Variants in SCCPDH observed in about 807,000 individuals in gnomAD.
SCCPDH encodes saccharopine dehydrogenase (putative), also known as saccharopine dehydrogenase-like oxidoreductase.
A neutral mutation model predicts 51.5 loss-of-function variants in SCCPDH; 34 were observed. The ratio of observed to expected loss-of-function variants is 0.66; its 90% CI spans 0.50 to 0.88. SCCPDH has a LOEUF of 0.88. SCCPDH is among the 40% of genes least tolerant of loss of function. SCCPDH has a pLI of 0.00. For synonymous variants in SCCPDH, 187 were observed against 191.3 expected (o/e 0.98, Z 0.19); for missense variants, 464 against 527.1 (o/e 0.88, Z 1.17).
chr1:246,756,470 T>A (rs1199388388), intron 5 of SCCPDH, among the ~76,000 whole-genome samples: 2 of 152,236 alleles, frequency 1.3e-5, no homozygotes, highest in African/African-American at 4.8e-5. Context: ...ATTAGGTACG[T>A]CTCTATATTT....
intron 5 of SCCPDH, among the ~76,000 whole-genome samples, chr1:246,749,001 GC>G (rs1558171423): frequency 6.6e-6 from 1 of 152,254 alleles, no homozygotes; most frequent in Non-Finnish European, 1.5e-5. Context: ...TTTTCCGTCT[GC>G]CGTGAAAGGC....
intron 9 of SCCPDH, among the ~76,000 whole-genome samples, chr1:246,762,088 A>G (rs1187806681): frequency 6.6e-6 from 1 of 152,090 alleles, no homozygotes; most frequent in Non-Finnish European, 1.5e-5. Context: ...GTGGTGTCTC[A>G]TTGTATTTTT....
chr1:246,749,222 C>G (rs930780734), intron 5 of SCCPDH, among the ~76,000 whole-genome samples: 1 of 152,236 alleles, frequency 6.6e-6, no homozygotes, highest in South Asian at 2.1e-4. Context: ...TCTGGCCTGC[C>G]TGTTGCACAA....
In SCCPDH at chr1:246,767,221, CT is replaced by C; in HGVS notation, c.1216del (p.Ser406ProfsTer5). Reference sequence around the variant, plus strand: ...GGCGGGGTCTTCACACCTGGAGCAGCTTTTTCCAAAACAAAGTTGATTGACA... The same window carrying C: ...GGCGGGGTCTTCACACCTGGAGCAGCTTTTCCAAAACAAAGTTGATTGACA... Reference protein sequence around the residue: ...KAGGVFTPGAAFSKTKLIDRL... With the variant: ...KAGGVFTPGAXFSKTKLIDRL... On this transcript the variant is annotated frameshift_variant, in exon 12 of 12. Transcript: ENST00000366510. LOFTEE classifies it high-confidence loss of function. 6.2e-7 allele frequency: 1 copy of C among 1,610,314 alleles called. No individual in the cohort carries two copies. Among genetic ancestry groups the C allele is most frequent in the Admixed American group, 1.7e-5 (1 of 59,612 alleles).
At chr1:246,758,389 C>T in intron 6 of SCCPDH, 33 bp downstream of exon 6, 1 of 1,532,146 alleles carries the variant, frequency 6.5e-7, no homozygotes, top group Non-Finnish European at 8.9e-7. Flanking sequence ...TTTTATATAT[C>T]TAGTCTAAGT....
At chr1:246,741,556 G>T (rs544279442) in intron 4 of SCCPDH, among the ~76,000 whole-genome samples, 2 of 151,908 alleles carry the variant, frequency 1.3e-5, no homozygotes, top group Non-Finnish European at 2.9e-5. Flanking sequence ...CCTTGGCCTC[G>T]CAGAGTGCTG....
intron 5 of SCCPDH, among the ~76,000 whole-genome samples, chr1:246,748,568 G>A (rs1379345464): frequency 6.6e-6 from 1 of 152,160 alleles, no homozygotes; most frequent in Non-Finnish European, 1.5e-5. Flanking sequence ...TATCCCTGGT[G>A]TAATTACTAA....
chr1:246,764,511 T>C (rs934041826), intron 10 of SCCPDH, among the ~76,000 whole-genome samples, 154 bp downstream of exon 10: 2 of 152,256 alleles, frequency 1.3e-5, no homozygotes, highest in Admixed American at 1.3e-4. Context: ...CAAAGGAAGA[T>C]TGAAATTATT....
At chr1:246,729,876 A>G (rs1339286870) in intron 2 of SCCPDH, among the ~76,000 whole-genome samples, 1 of 152,182 alleles carries the variant, frequency 6.6e-6, no homozygotes, top group Non-Finnish European at 1.5e-5. Flanking sequence ...TGAAATCTTC[A>G]CAGTTTATGT....
chr1:246,729,034 C>T (rs1424352151), intron 2 of SCCPDH, among the ~76,000 whole-genome samples: 1 of 152,178 alleles, frequency 6.6e-6, no homozygotes, highest in African/African-American at 2.4e-5. Context: ...GCCCCTTGAG[C>T]TGCAAAACCA....
chr1:246,766,772 T>C (rs887395233), intron 11 of SCCPDH, among the ~76,000 whole-genome samples: 3 of 152,264 alleles, frequency 2.0e-5, no homozygotes, highest in Non-Finnish European at 4.4e-5. Flanking sequence ...TTAGCTATTA[T>C]ATTTTTAAAA....
intron 4 of SCCPDH, among the ~76,000 whole-genome samples, chr1:246,743,869 C>T (rs562294554): frequency 6.6e-6 from 1 of 152,308 alleles, no homozygotes; most frequent in South Asian, 2.1e-4. Flanking sequence ...TGCTAGACTA[C>T]TCTTTCTGAT....
At chr1:246,751,011 G>A (rs1028261330) in intron 5 of SCCPDH, among the ~76,000 whole-genome samples, 3 of 152,226 alleles carry the variant, frequency 2.0e-5, no homozygotes, top group South Asian at 2.1e-4. Flanking sequence ...GTCCCTTGAC[G>A]CAGCTGGAAC....
chr1:246,750,249 G>A (rs1241878469), intron 5 of SCCPDH, among the ~76,000 whole-genome samples: 3 of 152,078 alleles, frequency 2.0e-5, no homozygotes, highest in Admixed American at 2.0e-4. Flanking sequence ...TAGCGGGGGG[G>A]TACCTGTGCT....
Position 246,744,087 on chromosome 1 carries a change from G to A in SCCPDH, c.526G>A (p.Ala176Thr). ...TRNKMNGTLT[A>T]VESFLTIHSG... ...TCCTACTCTTTTAGGTACTTTGACT[G>A]CTGTGGAAAGTTTCCTGACTATACA... Residue 176 changes from alanine (A) to threonine (T), a missense_variant, in exon 5 of 12, where the codon GCT (alanine) becomes ACT (threonine). Ala to Thr is a moderately conservative substitution (Grantham distance 58, BLOSUM62 0). Coordinates refer to ENST00000366510, the MANE Select transcript of SCCPDH (RefSeq NM_016002.3). 6.3e-7 allele frequency: 1 copy of A among 1,598,848 alleles called. No individual in the cohort carries two copies. Among genetic ancestry groups the A allele is most frequent in the Non-Finnish European group, 8.6e-7 (1 of 1,168,242 alleles).
intron 10 of SCCPDH, among the ~76,000 whole-genome samples, 200 bp from the exon 11 acceptor site, chr1:246,765,858 A>G (rs1434770084): frequency 1.3e-5 from 2 of 152,246 alleles, no homozygotes; most frequent in East Asian, 3.8e-4. Flanking sequence ...AATGAGTTTA[A>G]TAGACCTAAA....
chr1:246,732,210 G>T (rs941307745), intron 2 of SCCPDH, among the ~76,000 whole-genome samples: 5 of 152,128 alleles, frequency 3.3e-5, no homozygotes, highest in African/African-American at 1.2e-4. Context: ...TTGGAGATGG[G>T]GCTAGCTGGC....
intron 2 of SCCPDH, among the ~76,000 whole-genome samples, chr1:246,729,481 TCGCTTTC>T: frequency 6.6e-6 from 1 of 152,322 alleles, no homozygotes; most frequent in Admixed American, 6.5e-5. Context: ...TTTCTCCTAT[TCGCTTTC>T]TGCAAGAAGA....
intron 5 of SCCPDH, among the ~76,000 whole-genome samples, chr1:246,750,205 G>A (rs138927731): frequency 2.0e-5 from 3 of 152,252 alleles, no homozygotes; most frequent in East Asian, 3.9e-4. Flanking sequence ...ACAAGGACAC[G>A]GTCCTCATGC....
Sources: allele counts gnomAD v4.1 joint callset (sites outside exome capture counted in the v4.1 genomes callset), GRCh38; gene constraint gnomAD v4.1.1; transcripts MANE v1.5; gene names NCBI Gene and HGNC (gene_info 2026-07-23, HGNC 2026-07-21).